Variants in ARHGAP21 observed in about 807,000 individuals in gnomAD.
ARHGAP21 encodes the protein Rho GTPase activating protein 21, also known as rho GTPase-activating protein 21.
Under a neutral mutation model 164.6 loss-of-function variants are expected in ARHGAP21, and 38 were observed. The observed-to-expected ratio is 0.23, with a 90% CI of 0.18 to 0.30. The LOEUF (loss-of-function observed/expected upper bound fraction) is 0.30, where lower values mean the gene tolerates loss of function less well. ARHGAP21 is among the 10% of genes least tolerant of loss of function. The pLI, the probability that ARHGAP21 is intolerant of heterozygous loss-of-function variation, is 1.00. For synonymous variants in ARHGAP21, 766 were observed against 857.9 expected, an observed-to-expected ratio of 0.89 and a Z score of 1.87; for missense variants, 1,822 against 2,370.7, an observed-to-expected ratio of 0.77 and a Z score of 4.81.
intron 2 of ARHGAP21, among the ~76,000 whole-genome samples, chr10:24,682,675 T>C (rs1457272830): frequency 2.0e-5 from 3 of 152,136 alleles, no homozygotes; most frequent in Non-Finnish European, 2.9e-5. Context: ...ACAGAGTTTC[T>C]AATTTTAAAG....
At chr10:24,706,174 G>A (rs1332987664) in intron 2 of ARHGAP21, among the ~76,000 whole-genome samples, 2 of 152,086 alleles carry the variant, frequency 1.3e-5, no homozygotes, top group African/African-American at 4.8e-5. Context: ...AATGTCAGAT[G>A]CCTTCAAAAA....
At position 24,598,003 on chromosome 10, in the gene ARHGAP21, C is replaced by T. The variant is rs771086301; in HGVS notation, c.3139G>A (p.Gly1047Arg). The change falls in exon 15 of 26, where the codon GGA becomes AGA. Residue 1047 changes from glycine to arginine, a missense_variant. Gly to Arg is a moderately radical substitution (Grantham distance 125, BLOSUM62 -2). Around this residue, in one of 5 missense-constraint regions of ARHGAP21, gnomAD observed 1,090 missense variants for 1,378.9 expected, o/e 0.79. Coordinates refer to ENST00000396432, the MANE Select transcript of ARHGAP21 (RefSeq NM_020824.4). ...ESSNLNEEDT[G>R]VTNRDLISRR... ...CTAATTAGATCCCTGTTAGTGACTC[C>T]AGTGTCCTACAGAATAAAGTAAAAT... The T allele has an allele frequency of 6.2e-6, 10 of 1,609,356 alleles. No homozygotes were observed. The Admixed American group carries it at 8.4e-5, about 14-fold the overall frequency.
intron 9 of ARHGAP21, among the ~76,000 whole-genome samples, chr10:24,613,573 A>G (rs1449480515): frequency 1.3e-5 from 2 of 152,130 alleles, no homozygotes; most frequent in Non-Finnish European, 2.9e-5. Flanking sequence ...GTATCTCCCT[A>G]TTAGATAGAA....
chr10:24,639,892 A>G (rs1380135318), intron 4 of ARHGAP21, among the ~76,000 whole-genome samples: 2 of 147,538 alleles, frequency 1.4e-5, no homozygotes, highest in Admixed American at 6.7e-5. Context: ...TTTAAATATT[A>G]TTTGAAATTT....
chr10:24,690,563 T>C (rs1313931369), intron 2 of ARHGAP21, among the ~76,000 whole-genome samples: 1 of 152,146 alleles, frequency 6.6e-6, no homozygotes, highest in African/African-American at 2.4e-5. Flanking sequence ...GCGTGGTGGC[T>C]CACTCTTGTA....
At position 24,591,825 on chromosome 10, in the gene ARHGAP21, G is replaced by T. The variant is rs542955760; in HGVS notation, c.4002+62C>A. 2.4e-4 allele frequency: 378 copies of T among 1,590,188 alleles called. 1 individual carries two copies. The South Asian group carries it at 4.1e-3, about 17-fold the overall frequency. ...CTGTCTGACCAAATAGCGGCTGCCC[G>T]TGAAAATGAATTTTCTTGCAGAGAT... On this transcript the variant is annotated intron_variant, in intron 22 of 25. Transcript: ENST00000396432.
At chr10:24,711,445 A>T (rs1279140011) in intron 2 of ARHGAP21, among the ~76,000 whole-genome samples, 1 of 152,184 alleles carries the variant, frequency 6.6e-6, no homozygotes, top group Non-Finnish European at 1.5e-5. Flanking sequence ...TACTTTTCCC[A>T]TCTTCAGTCC....
chr10:24,716,883 T>C (rs182381914), intron 2 of ARHGAP21, among the ~76,000 whole-genome samples: 2 of 152,248 alleles, frequency 1.3e-5, no homozygotes, highest in African/African-American at 4.8e-5. Flanking sequence ...GGAGCATACT[T>C]GGGAAGGTGG....
chr10:24,621,029 T>C lies in ARHGAP21; in HGVS notation c.866A>G (p.Asn289Ser). The C allele has an allele frequency of 1.2e-6, 2 of 1,613,976 alleles. No individual in the cohort carries two copies. The highest frequency in any genetic ancestry group is 8.5e-7 in the Non-Finnish European group (1 of 1,179,870). ...EKVVDLLSNR[N>S]NHTGPSHRTE... Reference sequence around the variant, plus strand: ...TCTATGTGAAGGACCTGTATGGTTGTTTCTATTGGATAACAAATCTACAAC... The same window carrying C: ...TCTATGTGAAGGACCTGTATGGTTGCTTCTATTGGATAACAAATCTACAAC... The change falls in exon 9 of 26, where the codon AAC (asparagine) becomes AGC (serine). Residue 289 changes from asparagine to serine, a missense_variant. Around this residue, in one of 5 missense-constraint regions of ARHGAP21, gnomAD observed 1,090 missense variants for 1,378.9 expected, o/e 0.79. Coordinates refer to ENST00000396432, the MANE Select transcript of ARHGAP21 (RefSeq NM_020824.4).
At chr10:24,717,818 C>T (rs905357260) in intron 2 of ARHGAP21, among the ~76,000 whole-genome samples, 5 of 151,590 alleles carry the variant, frequency 3.3e-5, no homozygotes, top group Non-Finnish European at 5.9e-5. Flanking sequence ...CAACCTCTGC[C>T]TTCCGGGTTC....
At chr10:24,663,920 C>G (rs574437012) in intron 4 of ARHGAP21, among the ~76,000 whole-genome samples, 3 of 152,304 alleles carry the variant, frequency 2.0e-5, no homozygotes, top group African/African-American at 7.2e-5. Flanking sequence ...TATACTCCCC[C>G]TCTCCCAACT....
intron 13 of ARHGAP21, 27 bp from the exon 14 acceptor site, chr10:24,600,957 T>TAGTC: frequency 1.3e-6 from 2 of 1,597,530 alleles, no homozygotes. Flanking sequence ...AGTTCTTTAA[T>TAGTC]AGTCAATATT....
chr10:24,654,078 C>G (rs1023844002), intron 4 of ARHGAP21, among the ~76,000 whole-genome samples: 1 of 152,116 alleles, frequency 6.6e-6, no homozygotes, highest in Non-Finnish European at 1.5e-5. Flanking sequence ...ATTCAACAGC[C>G]CTTCATGCTA....
At chr10:24,642,568 A>C (rs947596308) in intron 4 of ARHGAP21, among the ~76,000 whole-genome samples, 3 of 152,004 alleles carry the variant, frequency 2.0e-5, no homozygotes, top group Admixed American at 2.0e-4. Context: ...AGTTCTTCAC[A>C]GTATGTAGCA....
chr10:24,624,620 G>GT (rs1834916388), intron 7 of ARHGAP21, among the ~76,000 whole-genome samples: 1 of 151,962 alleles, frequency 6.6e-6, no homozygotes, highest in Admixed American at 6.6e-5. Context: ...GATTACAGGT[G>GT]TGAACCACCG....
chr10:24,595,277 C>T (rs942702063), intron 19 of ARHGAP21, 87 bp from the exon 20 acceptor site: 1 of 1,112,868 alleles, frequency 9.0e-7, no homozygotes, highest in Non-Finnish European at 1.3e-6. Flanking sequence ...AATTTTAAAC[C>T]ACAACATAGG....
chr10:24,615,115 G>A (rs1042862760), intron 9 of ARHGAP21, among the ~76,000 whole-genome samples: 11 of 152,080 alleles, frequency 7.2e-5, no homozygotes, highest in African/African-American at 2.7e-4. Flanking sequence ...ACTTGAACCC[G>A]GGAGGCGGAG....
chr10:24,603,125 G>A (rs2076883358), intron 12 of ARHGAP21, among the ~76,000 whole-genome samples: 1 of 152,174 alleles, frequency 6.6e-6, no homozygotes, highest in South Asian at 2.1e-4. Context: ...TAAGATCACT[G>A]AGGAAATCGG....
chr10:24,677,778 C>T (rs1383890629), intron 2 of ARHGAP21, among the ~76,000 whole-genome samples: 3 of 152,130 alleles, frequency 2.0e-5, no homozygotes, highest in African/African-American at 7.2e-5. Context: ...GTGCAGATCA[C>T]GGTCTCATTC....
Sources: gnomAD v4.1 joint callset for allele counts (sites outside exome capture counted in the v4.1 genomes callset) on GRCh38, gnomAD v4.1.1 for gene constraint, gnomAD v4.1.1 regional missense constraint, MANE v1.5 for transcripts, NCBI Gene and HGNC (gene_info 2026-07-23, HGNC 2026-07-21) for gene names.